FBXL4: variants seen among roughly 807,000 people sequenced by gnomAD.
FBXL4 encodes F-box/LRR-repeat protein 4.
A neutral mutation model predicts 58.9 loss-of-function variants in FBXL4; 40 were observed. That is an observed-to-expected ratio of 0.68 (90% CI 0.53 to 0.88). The LOEUF (loss-of-function observed/expected upper bound fraction) is 0.88, where lower values mean the gene tolerates loss of function less well. Among genes scored for constraint, FBXL4 ranks in the 40% least tolerant of loss-of-function variants. The probability of loss-of-function intolerance (pLI) is 0.00; values close to 1 mark genes in which losing one functional copy is unlikely to be tolerated. For synonymous variants in FBXL4, 263 were observed against 265.5 expected (o/e 0.99, Z 0.09); for missense variants, 676 against 734.4 (o/e 0.92, Z 0.92).
At chr6:98,903,620 A>G (rs763919281) in intron 6 of FBXL4, among the ~76,000 whole-genome samples, 3 of 152,098 alleles carry the variant, frequency 2.0e-5, no homozygotes, top group Non-Finnish European at 2.9e-5. Flanking sequence ...TAGTATAAAA[A>G]TTTTTTAAAT....
chr6:98,911,757 T>C (rs1772082303), intron 5 of FBXL4, among the ~76,000 whole-genome samples: 1 of 152,094 alleles, frequency 6.6e-6, no homozygotes, highest in Non-Finnish European at 1.5e-5. Context: ...CTGGAAACTC[T>C]AAAAAGCAGA....
chr6:98,882,902 C>A (rs1770903954), intron 7 of FBXL4, among the ~76,000 whole-genome samples: 3 of 152,098 alleles, frequency 2.0e-5, no homozygotes, highest in Non-Finnish European at 4.4e-5. Context: ...TTAGAATAAA[C>A]ATTCCTTTAT....
At chr6:98,922,380 G>A (rs1772617362) in intron 4 of FBXL4, among the ~76,000 whole-genome samples, 1 of 152,162 alleles carries the variant, frequency 6.6e-6, no homozygotes, top group African/African-American at 2.4e-5. Context: ...AATGTTCTGG[G>A]ACTAAAAGAA....
At chr6:98,890,151 T>C (rs916334604) in intron 7 of FBXL4, among the ~76,000 whole-genome samples, 1 of 152,196 alleles carries the variant, frequency 6.6e-6, no homozygotes, top group African/African-American at 2.4e-5. Context: ...TGACTTTTTT[T>C]GCTCAGTGTT....
chr6:98,932,194 A>G (rs1773039017), intron 2 of FBXL4, among the ~76,000 whole-genome samples: 1 of 152,224 alleles, frequency 6.6e-6, no homozygotes, highest in Admixed American at 6.5e-5. Context: ...TTTTCCATTT[A>G]GAATAAGTCA....
intron 4 of FBXL4, among the ~76,000 whole-genome samples, chr6:98,924,276 G>A (rs1250745533): frequency 6.6e-6 from 1 of 152,164 alleles, no homozygotes; most frequent in Non-Finnish European, 1.5e-5. Flanking sequence ...AAAAGATCCT[G>A]CCATGCACAG....
chr6:98,916,629 G>A (rs990912985), intron 5 of FBXL4, among the ~76,000 whole-genome samples: 7 of 151,986 alleles, frequency 4.6e-5, no homozygotes, highest in Admixed American at 3.9e-4. Flanking sequence ...GAGAACACAT[G>A]GACACAGGAA....
Position 98,875,622 on chromosome 6 carries a change from C to T in FBXL4, c.1495G>A (p.Glu499Lys), listed in dbSNP as rs1770633622. Reference sequence around the variant, plus strand: ...AGTAGTGGACACCCAGAAGCCAGTTCTGCTATTCCATTCTCAGTAATATTC... The same window carrying T: ...AGTAGTGGACACCCAGAAGCCAGTTTTGCTATTCCATTCTCAGTAATATTC... ...CKNITENGIA[E>K]LASGCPLLEE... is the part of the protein sequence containing the mutation. Residue 499 changes from glutamate (E) to lysine (K), a missense_variant, in exon 9 of 10, where the codon GAA (glutamate) becomes AAA (lysine). Glu to Lys is a moderately conservative substitution (Grantham distance 56). Transcript: ENST00000369244. The T allele has an allele frequency of 1.9e-6, 3 of 1,614,162 alleles. No homozygotes were observed. Among genetic ancestry groups the T allele is most frequent in the Non-Finnish European group, 1.7e-6 (2 of 1,180,018 alleles).
intron 1 of FBXL4, among the ~76,000 whole-genome samples, chr6:98,945,080 C>G (rs1773572565): frequency 6.6e-6 from 1 of 152,202 alleles, no homozygotes; most frequent in African/African-American, 2.4e-5. Context: ...CTCTTACCAA[C>G]AACTTTTGAG....
chr6:98,947,486 C>A (rs1006153141), intron 1 of FBXL4, among the ~76,000 whole-genome samples: 22 of 152,360 alleles, frequency 1.4e-4, no homozygotes, highest in African/African-American at 5.3e-4. Context: ...TGGGGCGACC[C>A]GCAGTCCCCC....
chr6:98,870,348 T>C lies in FBXL4; in HGVS notation c.*3930A>G, dbSNP rs748049949. The stretch of plus-strand genomic sequence containing the variant: ...TTTTCTAATGGCTGAAAAAATCTAA[T>C]GGCTAACACAGTAGTATTTTGTAAC... On this transcript the variant is annotated 3_prime_UTR_variant, in exon 10 of 10. Transcript: ENST00000369244. 6.6e-5 allele frequency: 10 copies of C among 152,214 alleles called. No homozygotes were observed. Among genetic ancestry groups the C allele is most frequent in the Non-Finnish European group, 1.2e-4 (8 of 68,040 alleles). The allele number at this position is 152,214 out of a possible 1,614,324, so 9.4% of individuals were successfully genotyped here. A position where few individuals can be genotyped will look rare whatever the true frequency, so the allele number is the denominator to read the frequency against.
In FBXL4 at chr6:98,880,555, T is replaced by C; in HGVS notation, c.1387A>G (p.Met463Val). ...LQHLSLGSCVMIEDYDVIASM... is the reference protein window; with the variant it reads ...LQHLSLGSCVVIEDYDVIASM... ...ATAAAGAATTCTCAAACACTTACCA[T>C]GACACAACTGCCTAAACTGAGGTGC... Residue 463 changes from methionine to valine, a missense_variant and splice_region_variant, in exon 8 of 10, where the codon ATG becomes GTG. Met to Val is a conservative substitution (Grantham distance 21). Transcript: ENST00000369244. 1 of 1,613,558 alleles carries C rather than the reference T, an allele frequency of 6.2e-7. No homozygotes were observed. The highest frequency in any genetic ancestry group is 8.5e-7 in the Non-Finnish European group (1 of 1,179,570).
intron 6 of FBXL4, among the ~76,000 whole-genome samples, chr6:98,902,233 GCTGACC>G (rs1771641025): frequency 6.6e-6 from 1 of 151,816 alleles, no homozygotes; most frequent in Non-Finnish European, 1.5e-5. Flanking sequence ...TGTTTTTTTA[GCTGACC>G]CTCACCGAGT....
chr6:98,912,823 A>T (rs1772149390), intron 5 of FBXL4, among the ~76,000 whole-genome samples: 1 of 152,096 alleles, frequency 6.6e-6, no homozygotes, highest in South Asian at 2.1e-4. Context: ...TTCACACCTA[A>T]CAATATTAAC....
At chr6:98,884,832 C>T (rs1770979371) in intron 7 of FBXL4, among the ~76,000 whole-genome samples, 1 of 152,154 alleles carries the variant, frequency 6.6e-6, no homozygotes, top group African/African-American at 2.4e-5. Context: ...ATTCAATGAA[C>T]ACTGGAGTAT....
intron 4 of FBXL4, among the ~76,000 whole-genome samples, chr6:98,924,917 TGA>T (rs1772717671): frequency 6.6e-6 from 1 of 152,320 alleles, no homozygotes; most frequent in East Asian, 1.9e-4. Flanking sequence ...CAGGCTAGAA[TGA>T]GAGCGGGAAT....
intron 4 of FBXL4, among the ~76,000 whole-genome samples, 198 bp from the exon 5 acceptor site, chr6:98,917,917 T>C (rs1367335445): frequency 6.6e-6 from 1 of 152,200 alleles, no homozygotes; most frequent in Non-Finnish European, 1.5e-5. Flanking sequence ...TTTATTTTTA[T>C]AAGTCCCCAA....
chr6:98,939,326 C>T (rs1314526573), intron 1 of FBXL4, among the ~76,000 whole-genome samples: 2 of 152,160 alleles, frequency 1.3e-5, no homozygotes, highest in Admixed American at 1.3e-4. Context: ...CTACAATTAT[C>T]AAACCATCCT....
intron 2 of FBXL4, among the ~76,000 whole-genome samples, chr6:98,930,369 C>T (rs552279376): frequency 3.3e-5 from 5 of 152,270 alleles, no homozygotes; most frequent in East Asian, 1.9e-4. Context: ...TGCAGTGAGC[C>T]GAGATTGCAC....
Sources: gnomAD v4.1 joint callset for allele counts (sites outside exome capture counted in the v4.1 genomes callset) on GRCh38, gnomAD v4.1.1 for gene constraint, MANE v1.5 for transcripts, NCBI Gene and HGNC (gene_info 2026-07-23, HGNC 2026-07-21) for gene names.